TRIM5: variants seen among roughly 807,000 people sequenced by gnomAD.
TRIM5 encodes tripartite motif containing 5.
A neutral mutation model predicts 35.6 loss-of-function variants in TRIM5; 31 were observed. The observed-to-expected ratio is 0.87, with a 90% CI of 0.65 to 1.18. TRIM5 has a LOEUF of 1.18. TRIM5 is among the 50% of genes most tolerant of loss of function. The pLI is 0.00. For missense variants in TRIM5, 609 were observed against 591.6 expected, an observed-to-expected ratio of 1.03 and a Z score of -0.31; for synonymous variants, 243 against 215.6, an observed-to-expected ratio of 1.13 and a Z score of -1.11.
rs1417542938 is a variant in TRIM5 at position 5,666,084 on chromosome 11, A to G, written c.768-3T>C. ...TCTTCAAGGTCACGTTCTCCGTCCT[A>G]AGAATTAAAAAAAAAAAAAAAAACT... On this transcript the variant is annotated splice_region_variant and splice_polypyrimidine_tract_variant and intron_variant, in intron 5 of 7. Transcript: ENST00000380034. 2 of 1,571,368 alleles carry G rather than the reference A, an allele frequency of 1.3e-6. No homozygotes were observed. The highest frequency in any genetic ancestry group is 3.0e-5 in the African/African-American group (2 of 65,724).
chr11:5,606,201 T>C, the TRIM5 span, among the ~76,000 whole-genome samples: 3 of 152,200 alleles, frequency 2.0e-5, no homozygotes, highest in Non-Finnish European at 4.4e-5. Flanking sequence ...TTGTTTTCAC[T>C]CTCTTCTCTA....
At chr11:5,673,527 T>C (rs1851723943) in intron 4 of TRIM5, among the ~76,000 whole-genome samples, 1 of 152,114 alleles carries the variant, frequency 6.6e-6, no homozygotes, top group Non-Finnish European at 1.5e-5. Context: ...GAAAAACTAG[T>C]ATAAAAACCA....
chr11:5,615,789 C>A, the TRIM5 span, among the ~76,000 whole-genome samples: 2 of 151,804 alleles, frequency 1.3e-5, no homozygotes, highest in Non-Finnish European at 2.9e-5. Flanking sequence ...GACGGGGTTT[C>A]ACCATGTTGG....
At chr11:5,613,447 G>A in the TRIM5 span, among the ~76,000 whole-genome samples, 5 of 152,194 alleles carry the variant, frequency 3.3e-5, no homozygotes, top group South Asian at 2.1e-4. Flanking sequence ...CTAAGGCACC[G>A]TTTTATAATA....
At chr11:5,660,818 G>A (rs1168642387), downstream of TRIM5, among the ~76,000 whole-genome samples, 3 of 151,602 alleles carry the variant, frequency 2.0e-5, no homozygotes, top group South Asian at 2.1e-4. Context: ...CGAGGCGGGC[G>A]GATCTTGAGG....
At chr11:5,635,367 T>G in the TRIM5 span, among the ~76,000 whole-genome samples, 3 of 151,556 alleles carry the variant, frequency 2.0e-5, no homozygotes, top group Non-Finnish European at 4.4e-5. Flanking sequence ...GCCATTCTCC[T>G]GCCCAGCATC....
At chr11:5,608,730 G>T in the TRIM5 span, among the ~76,000 whole-genome samples, 1 of 151,768 alleles carries the variant, frequency 6.6e-6, no homozygotes, top group African/African-American at 2.4e-5. Flanking sequence ...TGCAGTATCA[G>T]TGACTCCCCA....
the TRIM5 span, chr11:5,643,304 C>T: frequency 1.1e-5 from 17 of 1,613,738 alleles, no homozygotes; most frequent in African/African-American, 6.7e-5. Context: ...GGGAAGTGGA[C>T]GTGTCCAAGA....
Position 5,673,542 on chromosome 11 carries a change from G to C in TRIM5, c.744+4662C>G, listed in dbSNP as rs553964805. On this transcript the variant is annotated intron_variant, in intron 4 of 7. Coordinates refer to ENST00000380034, the MANE Select transcript of TRIM5 (RefSeq NM_033034.3). ...GAAAAACTAGTATAAAAACCATAAA[G>C]GATATAGAAGACTAACACTATCAGT... Among the ~76,000 whole-genome samples the C allele has an allele frequency of 3.3e-5, 5 of 152,124 alleles. No individual in the cohort carries two copies. The East Asian group carries it at 7.7e-4, about 23-fold the overall frequency.
At chr11:5,630,720 G>C in the TRIM5 span, among the ~76,000 whole-genome samples, 1 of 151,914 alleles carries the variant, frequency 6.6e-6, no homozygotes, top group Non-Finnish European at 1.5e-5. Flanking sequence ...CACATTATTT[G>C]GTCTTCTAAA....
intron 3 of TRIM5, 37 bp from the exon 4 acceptor site, chr11:5,678,471 T>C: frequency 6.8e-7 from 1 of 1,460,390 alleles, no homozygotes; most frequent in Non-Finnish European, 9.1e-7. Flanking sequence ...GCACTCAGTC[T>C]ACCAGGCAGA....
At chr11:5,643,866 G>T in the TRIM5 span, 1 of 951,568 alleles carries the variant, frequency 1.1e-6, no homozygotes, top group Non-Finnish European at 1.5e-6. Flanking sequence ...AGTTATGAGA[G>T]ATGCTTATTT....
the TRIM5 span, among the ~76,000 whole-genome samples, chr11:5,637,245 A>T: frequency 6.6e-6 from 1 of 152,124 alleles, no homozygotes. Context: ...AGTCCCTGTA[A>T]CAGCTTTCTT....
At chr11:5,605,242 A>C in the TRIM5 span, 1 of 1,560,772 alleles carries the variant, frequency 6.4e-7, no homozygotes, top group Non-Finnish European at 8.8e-7. Flanking sequence ...GGCTTGGCCC[A>C]GGAAAGCAGT....
chr11:5,672,977 A>C (rs1179678342), intron 4 of TRIM5, among the ~76,000 whole-genome samples: 1 of 152,200 alleles, frequency 6.6e-6, no homozygotes, highest in Admixed American at 6.5e-5. Flanking sequence ...TATTTATTTA[A>C]CACAAAGGAA....
chr11:5,666,090 T>TAA lies in TRIM5; in HGVS notation c.768-11_768-10dup, dbSNP rs35734937. The TAA allele has an allele frequency of 0.024, 31,993 of 1,358,084 alleles. 1 individual carries two copies. Among genetic ancestry groups the TAA allele is most frequent in the East Asian group, 0.073 (2,836 of 39,036 alleles). 84.1% of individuals were successfully genotyped at this position (1,358,084 alleles called of 1,614,324 possible). A position where few individuals can be genotyped will look rare whatever the true frequency, so the allele number is the denominator to read the frequency against. On this transcript the variant is annotated splice_polypyrimidine_tract_variant and intron_variant, in intron 5 of 7. Coordinates refer to ENST00000380034, the MANE Select transcript of TRIM5 (RefSeq NM_033034.3). ...AGGTCACGTTCTCCGTCCTAAGAAT[T>TAA]AAAAAAAAAAAAAAAAACTTCCAAA...
At chr11:5,671,969 G>A (rs536040989) in intron 4 of TRIM5, among the ~76,000 whole-genome samples, 3 of 152,032 alleles carry the variant, frequency 2.0e-5, no homozygotes, top group African/African-American at 7.2e-5. Context: ...AAAAACTAAA[G>A]CAGCAAGAGA....
the TRIM5 span, chr11:5,610,386 G>A: frequency 1.9e-6 from 3 of 1,567,820 alleles, no homozygotes; most frequent in African/African-American, 2.7e-5. Context: ...TGCTGAAGAA[G>A]ATGCGGTTTG....
At chr11:5,617,557 C>T in the TRIM5 span, among the ~76,000 whole-genome samples, 3 of 136,766 alleles carry the variant, frequency 2.2e-5, no homozygotes, top group African/African-American at 5.4e-5. Context: ...GGCACGATCT[C>T]GGCTCACTGC....
Sources: gnomAD v4.1 joint callset for allele counts (sites outside exome capture counted in the v4.1 genomes callset) on GRCh38, gnomAD v4.1.1 for gene constraint, MANE v1.5 for transcripts, NCBI Gene and HGNC (gene_info 2026-07-23, HGNC 2026-07-21) for gene names.